The following CNTNAP2 variants were observed in gnomAD, a reference collection of about 807,000 sequenced individuals.
The protein encoded by CNTNAP2 is contactin-associated protein-like 2.
Under a neutral mutation model 155.2 loss-of-function variants are expected in CNTNAP2, and 98 were observed. The ratio of observed to expected loss-of-function variants is 0.63; its 90% confidence interval spans 0.54 to 0.75. The LOEUF is 0.75. CNTNAP2 is among the 30% of genes least tolerant of loss of function. CNTNAP2 has a pLI of 0.00. For missense variants in CNTNAP2, 1,727 were observed against 1,688.1 expected (o/e 1.02, Z -0.40); for synonymous variants, 651 against 631.2 (o/e 1.03, Z -0.47).
chr7:146,483,282 A>AAAAAAAATATAT (rs1178407767), intron 1 of CNTNAP2, among the ~76,000 whole-genome samples: 1 of 39,878 alleles, frequency 2.5e-5, no homozygotes, highest in Non-Finnish European at 5.0e-5. Context: ...TCTAAAAAAA[A>AAAAAAAATATAT]ATATATATAT....
At chr7:148,379,982 T>C (rs577246413) in intron 21 of CNTNAP2, among the ~76,000 whole-genome samples, 2 of 152,364 alleles carry the variant, frequency 1.3e-5, no homozygotes, top group South Asian at 2.1e-4. Context: ...TTAAAAGGAC[T>C]GTCATGAGCA....
intron 15 of CNTNAP2, among the ~76,000 whole-genome samples, chr7:147,981,489 T>C (rs1482712831): frequency 6.6e-6 from 1 of 152,234 alleles, no homozygotes; most frequent in Non-Finnish European, 1.5e-5. Context: ...AGACTAAACC[T>C]ATTGTTGAAA....
intron 12 of CNTNAP2, among the ~76,000 whole-genome samples, chr7:147,614,577 C>T (rs1801246397): frequency 6.6e-6 from 1 of 150,744 alleles, no homozygotes; most frequent in Admixed American, 6.6e-5. Flanking sequence ...TTATCAGCTC[C>T]CCATCTTCTC....
chr7:146,836,169 C>A (rs979107079), intron 2 of CNTNAP2, among the ~76,000 whole-genome samples: 4 of 152,092 alleles, frequency 2.6e-5, no homozygotes, highest in African/African-American at 9.7e-5. Flanking sequence ...CAAACACATA[C>A]ACTAGATACT....
At chr7:146,405,824 A>T (rs1563072237) in intron 1 of CNTNAP2, among the ~76,000 whole-genome samples, 1 of 152,234 alleles carries the variant, frequency 6.6e-6, no homozygotes, top group Non-Finnish European at 1.5e-5. Flanking sequence ...GTTAAAAAAA[A>T]GTTTAACCTT....
At chr7:147,243,164 T>C (rs1353625167) in intron 8 of CNTNAP2, among the ~76,000 whole-genome samples, 1 of 151,448 alleles carries the variant, frequency 6.6e-6, no homozygotes, top group Non-Finnish European at 1.5e-5. Context: ...GCCCGGCTAA[T>C]TTTTTTGTAT....
chr7:147,940,729 T>G (rs1478302637), intron 14 of CNTNAP2, among the ~76,000 whole-genome samples: 2 of 151,976 alleles, frequency 1.3e-5, no homozygotes, highest in African/African-American at 2.4e-5. Flanking sequence ...AGAGACAAGA[T>G]CTCCCTGTTG....
intron 10 of CNTNAP2, among the ~76,000 whole-genome samples, chr7:147,425,843 G>A (rs989766397): frequency 3.3e-5 from 5 of 152,116 alleles, no homozygotes; most frequent in Admixed American, 6.6e-5. Context: ...AGTTTAACAC[G>A]GTATTTCCAT....
chr7:146,776,151 C>G lies in CNTNAP2; in HGVS notation c.208+1770C>G, dbSNP rs1802386448. Among the ~76,000 whole-genome samples the G allele has an allele frequency of 2.0e-5, 3 of 152,062 alleles. No individual in the cohort carries two copies. In the South Asian group the frequency reaches 6.2e-4, roughly 31 times the overall value. On this transcript the variant is annotated intron_variant, in intron 2 of 23. Transcript: ENST00000361727. ...ATGGTAATTATGATACAGACCTTCCCATTACTAGGAAATCTAGGACAAAAT... is the reference window on the plus strand; with the variant it reads ...ATGGTAATTATGATACAGACCTTCCGATTACTAGGAAATCTAGGACAAAAT...
chr7:146,380,793 T>A, intron 1 of CNTNAP2, among the ~76,000 whole-genome samples: 1 of 94,474 alleles, frequency 1.1e-5, no homozygotes, highest in Non-Finnish European at 1.9e-5. Flanking sequence ...TCTTTTTTTT[T>A]TTTTTTTTTT....
intron 13 of CNTNAP2, among the ~76,000 whole-genome samples, chr7:147,867,718 C>A (rs1799258301): frequency 6.6e-6 from 1 of 152,066 alleles, no homozygotes; most frequent in Admixed American, 6.6e-5. Context: ...TCACTAATAA[C>A]CTTTCTTCTA....
chr7:148,417,803 A>C lies in CNTNAP2; in HGVS notation c.*2187A>C, dbSNP rs1385478663. ...AGCTCTGTTCTTTATGCATTGTCTC[A>C]ACACTTTCCCTTTTTTCCCAAAATG... On this transcript the variant is annotated 3_prime_UTR_variant, in exon 24 of 24. Transcript: ENST00000361727. The C allele has an allele frequency of 6.6e-6, 1 of 152,206 alleles. No individual in the cohort carries two copies. The highest frequency in any genetic ancestry group is 1.9e-4 in the East Asian group (1 of 5,194). 9.4% of individuals were successfully genotyped at this position (152,206 alleles called of 1,614,324 possible).
At chr7:147,937,068 C>CCAT (rs1178813661) in intron 14 of CNTNAP2, among the ~76,000 whole-genome samples, 2 of 149,466 alleles carry the variant, frequency 1.3e-5, no homozygotes, top group East Asian at 4.0e-4. Context: ...ACCACCACCA[C>CCAT]GATTCCCTTC....
intron 1 of CNTNAP2, among the ~76,000 whole-genome samples, chr7:146,532,259 TGTA>T (rs1055674692): frequency 2.4e-4 from 36 of 152,294 alleles, no homozygotes; most frequent in African/African-American, 8.4e-4. Context: ...AATTTATGAT[TGTA>T]GTATTCTACA....
At chr7:146,971,701 TCACTCTCTGGCCTACTATAAAAAGG>T (rs972444697) in intron 3 of CNTNAP2, among the ~76,000 whole-genome samples, 3 of 151,740 alleles carry the variant, frequency 2.0e-5, no homozygotes, top group African/African-American at 7.3e-5. Context: ...TGGAGAGGGG[TCACTCTCTGGCCTACTATAAAAAGG>T]CACTCATTCC....
intron 3 of CNTNAP2, among the ~76,000 whole-genome samples, chr7:146,886,145 G>A (rs1328662595): frequency 6.6e-6 from 1 of 151,746 alleles, no homozygotes. Context: ...TTTTAAAAGA[G>A]CATCTGAAGC....
chr7:147,610,438 C>G (rs1339323882), intron 12 of CNTNAP2, among the ~76,000 whole-genome samples: 1 of 152,094 alleles, frequency 6.6e-6, no homozygotes, highest in Non-Finnish European at 1.5e-5. Flanking sequence ...GTAATGGGAG[C>G]TCAGAAAAAG....
In CNTNAP2 at chr7:146,796,239, G is replaced by T. The variant is rs1230708822; in HGVS notation, c.208+21858G>T. Reference sequence around the variant, plus strand: ...ACCACCAGATTTGTATGCTTGCTGTGCAGTAACAGACAAACACACTGAGAC... The same window carrying T: ...ACCACCAGATTTGTATGCTTGCTGTTCAGTAACAGACAAACACACTGAGAC... On this transcript the variant is annotated intron_variant, in intron 2 of 23. Transcript: ENST00000361727. Among the ~76,000 whole-genome samples the T allele has an allele frequency of 2.0e-5, 3 of 152,190 alleles. No individual in the cohort carries two copies. In the East Asian group the frequency reaches 5.8e-4, roughly 29 times the overall value.
At chr7:147,233,156 C>G (rs1803722226) in intron 8 of CNTNAP2, among the ~76,000 whole-genome samples, 3 of 152,072 alleles carry the variant, frequency 2.0e-5, no homozygotes, top group African/African-American at 7.2e-5. Flanking sequence ...TAAAAGTGAA[C>G]AGAAAATGGA....
Sources: allele counts gnomAD v4.1 joint callset (sites outside exome capture counted in the v4.1 genomes callset), GRCh38; gene constraint gnomAD v4.1.1; transcripts MANE v1.5; gene names NCBI Gene and HGNC (gene_info 2026-07-23, HGNC 2026-07-21).